Variants in SLC7A5 observed in about 807,000 individuals in gnomAD.
SLC7A5 encodes solute carrier family 7 member 5.
Under a neutral mutation model 50.2 loss-of-function variants are expected in SLC7A5, and 23 were observed. The ratio of observed to expected loss-of-function variants is 0.46; its 90% CI spans 0.33 to 0.65. SLC7A5 has a LOEUF of 0.65. Ranked by LOEUF, SLC7A5 falls within the 30% of genes least tolerant of loss-of-function variation. The pLI is 0.02. For synonymous variants in SLC7A5, 393 were observed against 330.6 expected (o/e 1.19, Z -2.05); for missense variants, 578 against 684.4 (o/e 0.84, Z 1.73).
intron 2 of SLC7A5, among the ~76,000 whole-genome samples, chr16:87,843,863 C>T (rs532186218): frequency 1.3e-5 from 2 of 152,212 alleles, no homozygotes; most frequent in South Asian, 2.1e-4. Context: ...CGAGCCTCTA[C>T]CCCTGCCGGG....
chr16:87,859,879 T>G (rs1400776213), intron 1 of SLC7A5, among the ~76,000 whole-genome samples: 1 of 151,996 alleles, frequency 6.6e-6, no homozygotes, highest in African/African-American at 2.4e-5. Flanking sequence ...TGCAGTGAGC[T>G]GAGATCATGC....
rs1944599518 is a variant in SLC7A5 at position 87,839,776 on chromosome 16, A to G, written c.865T>C (p.Tyr289His). The change falls in exon 5 of 10, where the codon TAC becomes CAC. Residue 289 changes from tyrosine (Y) to histidine (H), a missense_variant. Tyr to His is a moderately conservative substitution (Grantham distance 83, BLOSUM62 2). This residue lies in a region of SLC7A5 where 465 missense variants were observed against 594.6 expected (regional missense o/e 0.78). Coordinates refer to ENST00000261622, the MANE Select transcript of SLC7A5 (RefSeq NM_003486.7). ...AAGTAGGCCAGGTTGGTCAGCACGTACACCAGCGTCACGATGGGCAGGGAG... is the reference window on the plus strand; with the variant it reads ...AAGTAGGCCAGGTTGGTCAGCACGTGCACCAGCGTCACGATGGGCAGGGAG... ...IISLPIVTLVYVLTNLAYFTT... is the reference protein window; with the variant it reads ...IISLPIVTLVHVLTNLAYFTT... 1 of 1,613,952 alleles carries G rather than the reference A, an allele frequency of 6.2e-7. No homozygotes were observed. The highest frequency in any genetic ancestry group is 8.5e-7 in the Non-Finnish European group (1 of 1,179,976).
intron 8 of SLC7A5, among the ~76,000 whole-genome samples, chr16:87,835,910 C>G (rs55776570): frequency 0.28 from 42,290 of 152,216 alleles, 6,301 homozygotes; most frequent in South Asian, 0.39. Flanking sequence ...AAGCTGCTGG[C>G]TAGCAGCCAC....
chr16:87,837,108 T>C (rs1417380211), intron 7 of SLC7A5, among the ~76,000 whole-genome samples: 1 of 152,230 alleles, frequency 6.6e-6, no homozygotes, highest in Non-Finnish European at 1.5e-5. Flanking sequence ...CTTGCTGCCC[T>C]TCCTGACTGG....
At chr16:87,864,389 G>A (rs763545630) in intron 1 of SLC7A5, among the ~76,000 whole-genome samples, 2 of 152,092 alleles carry the variant, frequency 1.3e-5, no homozygotes, top group Non-Finnish European at 2.9e-5. Context: ...CAAACGCCCG[G>A]CCTCTCCTTC....
At chr16:87,868,162 G>A (rs1284793699) in intron 1 of SLC7A5, among the ~76,000 whole-genome samples, 1 of 151,034 alleles carries the variant, frequency 6.6e-6, no homozygotes, top group East Asian at 1.9e-4. Context: ...AAACTATTTT[G>A]AAAAGCAGTT....
rs370835904 is a variant in SLC7A5, at chr16:87,860,341, TACACAC to T, written c.539-8498_539-8493del. On this transcript the variant is annotated intron_variant, in intron 1 of 9. Coordinates refer to ENST00000261622, the MANE Select transcript of SLC7A5 (RefSeq NM_003486.7). The surrounding 1 kb of genome is among the most constrained non-coding windows in gnomAD (Gnocchi z 4.8). ...AAAGCATCTCAAAAAAAAAAAAAAA[TACACAC>T]ACACACACACACACACACACACACA... Among the ~76,000 whole-genome samples the T allele has an allele frequency of 0.08, 6,831 of 85,680 alleles. 540 individuals carry two copies. Among genetic ancestry groups the T allele is most frequent in the East Asian group, 0.1 (283 of 2,794 alleles). 56.2% of individuals were successfully genotyped at this position (85,680 alleles called of 152,430 possible). A position where few individuals can be genotyped will look rare whatever the true frequency, so the allele number is the denominator to read the frequency against.
chr16:87,857,008 C>T (rs74039988), intron 1 of SLC7A5, among the ~76,000 whole-genome samples: 1 of 151,962 alleles, frequency 6.6e-6, no homozygotes. Context: ...GTCACCGCCC[C>T]GGGCTCCAGA....
In SLC7A5 at chr16:87,830,402, G is replaced by A. The variant is rs1371518259; in HGVS notation, c.*2568C>T. 2.0e-5 allele frequency: 3 copies of A among 152,284 alleles called. No individual in the cohort carries two copies. In the East Asian group the frequency reaches 5.8e-4, roughly 29 times the overall value. 9.4% of individuals were successfully genotyped at this position (152,284 alleles called of 1,614,324 possible). A position where few individuals can be genotyped will look rare whatever the true frequency, so the allele number is the denominator to read the frequency against. On this transcript the variant is annotated 3_prime_UTR_variant, in exon 10 of 10. Transcript: ENST00000261622. ...TGGTGGGTTGTGCTTGAAAACACCT[G>A]AAGCCCACAAGTGGAAACCGCTGGG...
chr16:87,852,643 T>TGTGTGTGTGTGCGTGTGTGTGTGC lies in SLC7A5; in HGVS notation c.539-795_539-794insGCACACACACACGCACACACACAC, dbSNP rs1232662249. Reference sequence around the variant, plus strand: ...AGGCACCCAGCTCTGAGCCTCTGTGTGTGTGTGTGTGTGTGTGTGTGTGTG... The same window carrying TGTGTGTGTGTGCGTGTGTGTGTGC: ...AGGCACCCAGCTCTGAGCCTCTGTGTGTGTGTGTGTGCGTGTGTGTGTGCGTGTGTGTGTGTGTGTGTGTGTGTG... On this transcript the variant is annotated intron_variant, in intron 1 of 9. Transcript: ENST00000261622. This position sits in a 1 kb window ranked among gnomAD's most constrained non-coding sequence, Gnocchi z 4.5. Among the ~76,000 whole-genome samples the TGTGTGTGTGTGCGTGTGTGTGTGC allele has an allele frequency of 1.1e-5, 1 of 94,616 alleles. No homozygotes were observed. Among genetic ancestry groups the TGTGTGTGTGTGCGTGTGTGTGTGC allele is most frequent in the Admixed American group, 9.3e-5 (1 of 10,778 alleles). The allele number at this position is 94,616 out of a possible 152,430, so 62.1% of individuals were successfully genotyped here.
At position 87,832,446 on chromosome 16, in the gene SLC7A5, C is replaced by G. The variant is rs2143693146; in HGVS notation, c.*524G>C. On this transcript the variant is annotated 3_prime_UTR_variant, in exon 10 of 10. Transcript: ENST00000261622. This position sits in a 1 kb window ranked among gnomAD's most constrained non-coding sequence, Gnocchi z 4.6. ...AGTTTCCACTCTGCAAACCCTAAGG[C>G]AGAGACATAAGCCCACAGGGTTGGT... 1.3e-5 allele frequency: 2 copies of G among 152,248 alleles called. No homozygotes were observed. The highest frequency in any genetic ancestry group is 4.1e-4 in the South Asian group (2 of 4,820). The allele number at this position is 152,248 out of a possible 1,614,324, so 9.4% of individuals were successfully genotyped here. A position where few individuals can be genotyped will look rare whatever the true frequency, so the allele number is the denominator to read the frequency against.
At chr16:87,834,362 T>C (rs2054969593) in intron 9 of SLC7A5, 52 bp downstream of exon 9, 2 of 1,536,698 alleles carry the variant, frequency 1.3e-6, no homozygotes, top group Non-Finnish European at 1.8e-6. Flanking sequence ...TCAACTCCCT[T>C]CGCTGCCCAG....
At position 87,830,984 on chromosome 16, in the gene SLC7A5, G is replaced by A. The variant is rs543839456; in HGVS notation, c.*1986C>T. 1.0e-4 allele frequency: 16 copies of A among 152,410 alleles called. No individual in the cohort carries two copies. The highest frequency in any genetic ancestry group is 3.4e-3 in the Middle Eastern group (1 of 294). The allele number at this position is 152,410 out of a possible 1,614,324, so 9.4% of individuals were successfully genotyped here. ...GCCGGCCCCAGTGGGAAGCAGTGGT[G>A]CGTGCCTCCAGGGAGCACTTCTCCT... is the stretch of plus-strand genomic sequence containing the variant. On this transcript the variant is annotated 3_prime_UTR_variant, in exon 10 of 10. Transcript: ENST00000261622.
In SLC7A5 at chr16:87,837,793, C is replaced by G; in HGVS notation, c.1140+52G>C. 2.1e-6 allele frequency: 3 copies of G among 1,444,886 alleles called. No homozygotes were observed. The Admixed American group carries it at 5.8e-5, about 28-fold the overall frequency. The allele number at this position is 1,444,886 out of a possible 1,614,324, so 89.5% of individuals were successfully genotyped here. A position where few individuals can be genotyped will look rare whatever the true frequency, so the allele number is the denominator to read the frequency against. On this transcript the variant is annotated intron_variant, in intron 7 of 9. Coordinates refer to ENST00000261622, the MANE Select transcript of SLC7A5 (RefSeq NM_003486.7). ...AGCTGTGGCAGCCTCCCTCTGGGAG[C>G]CCCCGGACAACCCCCAGGGATGTAG...
At chr16:87,866,488 T>C (rs1200088435) in intron 1 of SLC7A5, among the ~76,000 whole-genome samples, 1 of 151,988 alleles carries the variant, frequency 6.6e-6, no homozygotes, top group African/African-American at 2.4e-5. Flanking sequence ...TTTTTTGAGA[T>C]GGAGTTTCGC....
rs960374805 is a variant in SLC7A5, at chr16:87,851,907, T to A, written c.539-58A>T. 2.6e-5 allele frequency: 42 copies of A among 1,609,312 alleles called. No homozygotes were observed. In the Admixed American group the frequency reaches 7.0e-4, roughly 27 times the overall value. On this transcript the variant is annotated intron_variant, in intron 1 of 9. Transcript: ENST00000261622. ...GGGCAGACAGACGCCAGCTCAGGGG[T>A]AGGCTGGGAGGTGACGACCCCACCC...
rs2055060300 is a variant in SLC7A5 at position 87,839,777 on chromosome 16, C to T, written c.864G>A (p.Val288=). ...AGTAGGCCAGGTTGGTCAGCACGTA[C>T]ACCAGCGTCACGATGGGCAGGGAGA... ...IIISLPIVTL[V]YVLTNLAYFT... is the part of the protein sequence containing the mutation. Residue 288 remains valine, a synonymous_variant, in exon 5 of 10, where the codon GTG becomes GTA. Transcript: ENST00000261622. The T allele has an allele frequency of 8.1e-6, 13 of 1,613,848 alleles. No homozygotes were observed. In the East Asian group the frequency reaches 1.3e-4, roughly 17 times the overall value.
chr16:87,835,244 T>A lies in SLC7A5; in HGVS notation c.1291-653A>T, dbSNP rs192213845. On this transcript the variant is annotated intron_variant, in intron 8 of 9. Coordinates refer to ENST00000261622, the MANE Select transcript of SLC7A5 (RefSeq NM_003486.7). Reference sequence around the variant, plus strand: ...CAGTGTGGGCTGCATGACTGCCCTGTCCCCAGGGAACAGACGCCAACCCGT... The same window carrying A: ...CAGTGTGGGCTGCATGACTGCCCTGACCCCAGGGAACAGACGCCAACCCGT... Among the ~76,000 whole-genome samples, 11 of 152,304 alleles carry A rather than the reference T, an allele frequency of 7.2e-5. No individual in the cohort carries two copies. The East Asian group carries it at 1.9e-3, about 27-fold the overall frequency.
rs1359929449 is a variant in SLC7A5, at chr16:87,860,307, C to T, written c.539-8458G>A. On this transcript the variant is annotated intron_variant, in intron 1 of 9. Coordinates refer to ENST00000261622, the MANE Select transcript of SLC7A5 (RefSeq NM_003486.7). This position sits in a 1 kb window ranked among gnomAD's most constrained non-coding sequence, Gnocchi z 4.8. Reference sequence around the variant, plus strand: ...GAGATCATACCACTGCACTCCAGCCCGAGTAACAAAAGCATCTCAAAAAAA... The same window carrying T: ...GAGATCATACCACTGCACTCCAGCCTGAGTAACAAAAGCATCTCAAAAAAA... 5.6e-5 allele frequency among the ~76,000 whole-genome samples: 8 copies of T among 141,608 alleles called. No individual in the cohort carries two copies. Among genetic ancestry groups the T allele is most frequent in the African/African-American group, 1.9e-4 (7 of 37,534 alleles). The allele number at this position is 141,608 out of a possible 152,430, so 92.9% of individuals were successfully genotyped here. A position where few individuals can be genotyped will look rare whatever the true frequency, so the allele number is the denominator to read the frequency against.
Sources: gnomAD v4.1 joint callset for allele counts (sites outside exome capture counted in the v4.1 genomes callset) on GRCh38, gnomAD v4.1.1 for gene constraint, gnomAD v4.1.1 regional missense constraint, Gnocchi (gnomAD v3.1) non-coding constraint, MANE v1.5 for transcripts, NCBI Gene and HGNC (gene_info 2026-07-23, HGNC 2026-07-21) for gene names.